ODAD2: variants seen among roughly 807,000 people sequenced by gnomAD.
ODAD2 encodes outer dynein arm-docking complex subunit 2.
A neutral mutation model predicts 106.8 loss-of-function variants in ODAD2; 89 were observed. The ratio of observed to expected loss-of-function variants is 0.83; its 90% confidence interval spans 0.70 to 0.99. The LOEUF is 0.99. Among genes scored for constraint, ODAD2 ranks in the 50% least tolerant of loss-of-function variants. ODAD2 has a pLI of 0.00. For missense variants in ODAD2, 1,168 were observed against 1,238.5 expected (o/e 0.94, Z 0.85); for synonymous variants, 404 against 436.2 (o/e 0.93, Z 0.92).
chr10:27,923,332 A>G (rs925219655), intron 16 of ODAD2, among the ~76,000 whole-genome samples: 1 of 152,182 alleles, frequency 6.6e-6, no homozygotes, highest in African/African-American at 2.4e-5. Flanking sequence ...TGGAAACAGT[A>G]AGAAAGCAGG....
At chr10:27,888,074 T>G (rs899738780) in intron 17 of ODAD2, among the ~76,000 whole-genome samples, 18 of 152,052 alleles carry the variant, frequency 1.2e-4, no homozygotes, top group Non-Finnish European at 2.6e-4. Flanking sequence ...AAAGGACACT[T>G]AAGGTGATTC....
In ODAD2 at chr10:27,977,197, T is replaced by C. The variant is rs1317031396; in HGVS notation, c.936+4269A>G. ...TTTGGAAAAGCGTTATAAAACACTA[T>C]AAGGAAAAAATAAGTTGGACTGTTT... On this transcript the variant is annotated intron_variant, in intron 7 of 19. Coordinates refer to ENST00000305242, the MANE Select transcript of ODAD2 (RefSeq NM_018076.5). 2.6e-5 allele frequency among the ~76,000 whole-genome samples: 4 copies of C among 152,102 alleles called. No homozygotes were observed. In the East Asian group the frequency reaches 7.7e-4, roughly 29 times the overall value.
rs564712382 is a variant in ODAD2, at chr10:27,864,798, T to A, written c.2611-2176A>T. ...GCTCTATCACTTTCTCAAATAATAATAATTCACATCTTTTGCATCCCAACG... is the reference window on the plus strand; with the variant it reads ...GCTCTATCACTTTCTCAAATAATAAAAATTCACATCTTTTGCATCCCAACG... On this transcript the variant is annotated intron_variant, in intron 17 of 19. Coordinates refer to ENST00000305242, the MANE Select transcript of ODAD2 (RefSeq NM_018076.5). 2.9e-3 allele frequency among the ~76,000 whole-genome samples: 440 copies of A among 152,220 alleles called. 4 individuals are homozygous for A. Among genetic ancestry groups the A allele is most frequent in the Non-Finnish European group, 4.4e-3 (297 of 68,022 alleles).
chr10:27,935,355 T>C lies in ODAD2; in HGVS notation c.2253-103A>G, dbSNP rs148311329. 97 of 1,404,082 alleles carry C rather than the reference T, an allele frequency of 6.9e-5. No individual in the cohort carries two copies. The East Asian group carries it at 2.2e-3, about 32-fold the overall frequency. The allele number at this position is 1,404,082 out of a possible 1,614,324, so 87.0% of individuals were successfully genotyped here. ...TTACAACAACCCAATGATACAGATA[T>C]TATTAAATCCCCATTACTGGATGGT... On this transcript the variant is annotated intron_variant, in intron 15 of 19. Coordinates refer to ENST00000305242, the MANE Select transcript of ODAD2 (RefSeq NM_018076.5).
chr10:27,937,930 T>C (rs1340210529), intron 14 of ODAD2, among the ~76,000 whole-genome samples: 1 of 152,074 alleles, frequency 6.6e-6, no homozygotes, highest in Non-Finnish European at 1.5e-5. Context: ...CCCTCAAAAT[T>C]CATATATAGA....
intron 9 of ODAD2, among the ~76,000 whole-genome samples, chr10:27,964,867 C>T (rs922239421): frequency 3.9e-5 from 6 of 152,178 alleles, no homozygotes; most frequent in African/African-American, 1.4e-4. Flanking sequence ...ACAAGGAAGG[C>T]ACTCAATAAA....
chr10:27,909,868 C>A (rs1287663286), intron 16 of ODAD2, among the ~76,000 whole-genome samples: 3 of 124,304 alleles, frequency 2.4e-5, no homozygotes, highest in East Asian at 2.5e-4. Context: ...GGAATGATAA[C>A]TTCCTATGAC....
chr10:27,950,105 G>A (rs1171635307), intron 10 of ODAD2, among the ~76,000 whole-genome samples: 5 of 152,060 alleles, frequency 3.3e-5, no homozygotes, highest in African/African-American at 9.7e-5. Flanking sequence ...TTGGAGAATC[G>A]GCACCACTAT....
intron 9 of ODAD2, among the ~76,000 whole-genome samples, chr10:27,962,024 T>C (rs1433434546): frequency 1.3e-5 from 2 of 152,046 alleles, no homozygotes; most frequent in African/African-American, 2.4e-5. Context: ...CTTTATTACC[T>C]CATCACACCA....
Position 27,967,681 on chromosome 10 carries a change from A to T in ODAD2, c.1238+1242T>A, listed in dbSNP as rs530233072. Among the ~76,000 whole-genome samples, 15 of 152,270 alleles carry T rather than the reference A, an allele frequency of 9.9e-5. No individual in the cohort carries two copies. In the East Asian group the frequency reaches 1.9e-3, roughly 20 times the overall value. On this transcript the variant is annotated intron_variant, in intron 9 of 19. Transcript: ENST00000305242. ...CGAGGCAGGCAGATCACTTGAGGTC[A>T]GGAGTTCAAGACCAGCCTGGCCAAC...
At chr10:27,895,398 A>G (rs1390824825) in intron 17 of ODAD2, among the ~76,000 whole-genome samples, 1 of 152,184 alleles carries the variant, frequency 6.6e-6, no homozygotes, top group East Asian at 1.9e-4. Context: ...GGTTCAAATG[A>G]TTCTTGTGCC....
intron 2 of ODAD2, among the ~76,000 whole-genome samples, chr10:27,993,583 G>A (rs1463184234): frequency 1.3e-5 from 2 of 151,980 alleles, no homozygotes; most frequent in Non-Finnish European, 2.9e-5. Flanking sequence ...CAGAGAGGTG[G>A]AACTTGCAGT....
chr10:27,923,947 A>AAAGG (rs1554810707), intron 16 of ODAD2, among the ~76,000 whole-genome samples: 1 of 37,422 alleles, frequency 2.7e-5, no homozygotes, highest in Non-Finnish European at 5.1e-5. Flanking sequence ...CTGTCTAATG[A>AAAGG]AAGAAAGAAA....
At chr10:27,866,528 T>G (rs1457812794) in intron 17 of ODAD2, among the ~76,000 whole-genome samples, 1 of 152,190 alleles carries the variant, frequency 6.6e-6, no homozygotes, top group Non-Finnish European at 1.5e-5. Context: ...AAGGGATACT[T>G]TATAAATTAC....
At chr10:27,881,545 G>C (rs2133567544) in intron 17 of ODAD2, among the ~76,000 whole-genome samples, 1 of 152,158 alleles carries the variant, frequency 6.6e-6, no homozygotes, top group South Asian at 2.1e-4. Context: ...GCTGAGGTGA[G>C]AGGATCACTT....
intron 16 of ODAD2, among the ~76,000 whole-genome samples, chr10:27,932,707 G>A (rs1016856929): frequency 2.6e-5 from 4 of 152,076 alleles, no homozygotes; most frequent in Admixed American, 6.6e-5. Context: ...TCCTCCCCGA[G>A]TCTACATTCC....
chr10:27,915,042 A>C (rs1458008152), intron 16 of ODAD2, among the ~76,000 whole-genome samples: 3 of 152,062 alleles, frequency 2.0e-5, no homozygotes, highest in Admixed American at 6.6e-5. Context: ...CGATAATCAC[A>C]ATCTTCCCCC....
intron 17 of ODAD2, among the ~76,000 whole-genome samples, chr10:27,902,001 A>G (rs560726101): frequency 6.6e-6 from 1 of 152,342 alleles, no homozygotes; most frequent in Admixed American, 6.5e-5. Flanking sequence ...AACAGAATAT[A>G]CATTCTTCTC....
chr10:27,984,933 A>G (rs1324811799), intron 4 of ODAD2, 86 bp downstream of exon 4: 2 of 655,116 alleles, frequency 3.1e-6, no homozygotes, highest in Non-Finnish European at 4.7e-6. Context: ...ATTTTGAGAC[A>G]GAGTCTTGCT....
Sources: gnomAD v4.1 joint callset for allele counts (sites outside exome capture counted in the v4.1 genomes callset) on GRCh38, gnomAD v4.1.1 for gene constraint, MANE v1.5 for transcripts, NCBI Gene and HGNC (gene_info 2026-07-23, HGNC 2026-07-21) for gene names.